The following FILIP1 variants were observed in gnomAD, a reference collection of about 807,000 sequenced individuals.
FILIP1 encodes filamin A interacting protein 1.
Under a neutral mutation model 102.1 loss-of-function variants are expected in FILIP1, and 61 were observed. That is an observed-to-expected ratio of 0.60 (90% confidence interval 0.49 to 0.74). The LOEUF (loss-of-function observed/expected upper bound fraction) is 0.74. Among genes scored for constraint, FILIP1 ranks in the 30% least tolerant of loss-of-function variants. The pLI, the probability that FILIP1 is intolerant of heterozygous loss-of-function variation, is 0.00. For synonymous variants in FILIP1, 491 were observed against 526.9 expected, an observed-to-expected ratio of 0.93 and a Z score of 0.93; for missense variants, 1,314 against 1,441.2, an observed-to-expected ratio of 0.91 and a Z score of 1.43.
At chr6:75,371,853 A>C (rs577959131) in intron 2 of FILIP1, among the ~76,000 whole-genome samples, 11 of 152,366 alleles carry the variant, frequency 7.2e-5, no homozygotes, top group Non-Finnish European at 1.6e-4. Flanking sequence ...AAAACTATAA[A>C]ACTCTTAGAA....
chr6:75,350,572 C>T (rs534343078), intron 4 of FILIP1, among the ~76,000 whole-genome samples: 136 of 152,170 alleles, frequency 8.9e-4, no homozygotes, highest in Non-Finnish European at 1.4e-3. Flanking sequence ...CCTGCATAGG[C>T]TTAGTGGATC....
intron 3 of FILIP1, among the ~76,000 whole-genome samples, chr6:75,356,434 A>C (rs1308022382): frequency 2.6e-5 from 4 of 152,012 alleles, no homozygotes; most frequent in African/African-American, 9.7e-5. Flanking sequence ...AGGAATTGCT[A>C]ATTGTATTTT....
At chr6:75,323,293 G>A (rs189282058) in intron 4 of FILIP1, among the ~76,000 whole-genome samples, 40 of 152,134 alleles carry the variant, frequency 2.6e-4, no homozygotes, top group Admixed American at 2.3e-3. Context: ...ATTGTTGATG[G>A]TGCATACATT....
chr6:75,462,439 A>G (rs1396221054), intron 1 of FILIP1, among the ~76,000 whole-genome samples: 2 of 152,172 alleles, frequency 1.3e-5, no homozygotes, highest in Non-Finnish European at 2.9e-5. Flanking sequence ...CACTGACCCA[A>G]TCAGGACAGA....
intron 1 of FILIP1, among the ~76,000 whole-genome samples, chr6:75,449,409 C>G (rs1778548642): frequency 6.6e-6 from 1 of 152,104 alleles, no homozygotes; most frequent in South Asian, 2.1e-4. Flanking sequence ...GCACCAAAAT[C>G]TCAGAATCAC....
intron 1 of FILIP1, among the ~76,000 whole-genome samples, chr6:75,459,778 C>T (rs1778962587): frequency 6.6e-6 from 1 of 152,120 alleles, no homozygotes; most frequent in Non-Finnish European, 1.5e-5. Flanking sequence ...TTTCTTGTAT[C>T]TTGATATTCA....
chr6:75,340,403 T>C (rs539327978), intron 4 of FILIP1, among the ~76,000 whole-genome samples: 2 of 152,272 alleles, frequency 1.3e-5, no homozygotes, highest in South Asian at 4.1e-4. Context: ...TCCCAGCGTT[T>C]ACAAATAAAG....
At chr6:75,487,608 G>A (rs905704626) in intron 1 of FILIP1, among the ~76,000 whole-genome samples, 2 of 151,480 alleles carry the variant, frequency 1.3e-5, no homozygotes, top group Admixed American at 6.6e-5. Flanking sequence ...AGATAAACAA[G>A]GGCAAGTTGG....
intron 4 of FILIP1, among the ~76,000 whole-genome samples, chr6:75,325,239 C>T (rs758439651): frequency 2.0e-5 from 3 of 151,984 alleles, no homozygotes; most frequent in Non-Finnish European, 2.9e-5. Context: ...CTGGGCAATA[C>T]GGTGAAGCCC....
At chr6:75,327,043 G>A (rs1444777946) in intron 4 of FILIP1, among the ~76,000 whole-genome samples, 4 of 151,986 alleles carry the variant, frequency 2.6e-5, no homozygotes, top group Non-Finnish European at 5.9e-5. Flanking sequence ...CGTGGACATT[G>A]TCATTCAATT....
Position 75,299,071 on chromosome 6 carries a change from TA to T in FILIP1, c.3494-3122del, listed in dbSNP as rs397940703. Among the ~76,000 whole-genome samples, 219 of 145,798 alleles carry T rather than the reference TA, an allele frequency of 1.5e-3. 1 individual carries two copies. The highest frequency in any genetic ancestry group is 4.6e-3 in the African/African-American group (186 of 40,084). On this transcript the variant is annotated intron_variant, in intron 6 of 6. Coordinates refer to the FILIP1 transcript ENST00000393004. ...TTGGGGATTAATGCCATTATTTGTG[TA>T]AAAAAAAAAACAGACTTGAATTCCC... is the stretch of plus-strand genomic sequence containing the variant.
chr6:75,467,146 C>T (rs1253940516), intron 1 of FILIP1, among the ~76,000 whole-genome samples: 6 of 152,134 alleles, frequency 3.9e-5, no homozygotes, highest in Admixed American at 6.6e-5. Context: ...AAAAATTTAT[C>T]CTCTAAATCC....
intron 1 of FILIP1, among the ~76,000 whole-genome samples, chr6:75,425,084 A>T (rs1777587013): frequency 6.6e-6 from 1 of 152,184 alleles, no homozygotes; most frequent in African/African-American, 2.4e-5. Context: ...ATCAAAGCAT[A>T]TACAGCCTAA....
At chr6:75,346,100 T>C (rs1167379504) in intron 4 of FILIP1, among the ~76,000 whole-genome samples, 1 of 152,200 alleles carries the variant, frequency 6.6e-6, no homozygotes, top group Admixed American at 6.6e-5. Flanking sequence ...TCTAATAGGC[T>C]CTGAGTTTAT....
chr6:75,339,952 A>T (rs139333925), intron 4 of FILIP1, among the ~76,000 whole-genome samples: 3,572 of 152,010 alleles, frequency 0.023, 152 homozygotes, highest in African/African-American at 0.081. Flanking sequence ...TGTCTAAAAT[A>T]AATAAATAAA....
chr6:75,455,523 A>C (rs1406857995), intron 1 of FILIP1, among the ~76,000 whole-genome samples: 4 of 152,180 alleles, frequency 2.6e-5, no homozygotes, highest in Non-Finnish European at 5.9e-5. Flanking sequence ...CCAAATTAGA[A>C]AATGCAGGCA....
chr6:75,319,003 TG>T (rs1481026401), intron 4 of FILIP1: 1 of 651,846 alleles, frequency 1.5e-6, no homozygotes, highest in Non-Finnish European at 2.7e-6. Flanking sequence ...TTTATAGACA[TG>T]AAAAAAAACT....
intron 1 of FILIP1, 79 bp from the exon 2 acceptor site, chr6:75,415,057 A>G: frequency 7.4e-7 from 1 of 1,346,866 alleles, no homozygotes; most frequent in Non-Finnish European, 1.0e-6. Flanking sequence ...TTAGAAACTT[A>G]TAGCAGCTTT....
chr6:75,338,600 G>A (rs747846248), intron 4 of FILIP1, among the ~76,000 whole-genome samples: 12 of 152,294 alleles, frequency 7.9e-5, no homozygotes, highest in Middle Eastern at 3.4e-3. Flanking sequence ...GTAGTGATAC[G>A]AGACAACACA....
Sources: gnomAD v4.1 joint callset for allele counts (sites outside exome capture counted in the v4.1 genomes callset) on GRCh38, gnomAD v4.1.1 for gene constraint, MANE v1.5 for transcripts, NCBI Gene and HGNC (gene_info 2026-07-23, HGNC 2026-07-21) for gene names.